The following NPC1L1 variants were observed in gnomAD, a reference collection of about 807,000 sequenced individuals.
The protein encoded by NPC1L1 is NPC1-like intracellular cholesterol transporter 1.
Under a neutral mutation model 117.0 loss-of-function variants are expected in NPC1L1, and 98 were observed. The ratio of observed to expected loss-of-function variants is 0.84; its 90% CI spans 0.71 to 0.99. The LOEUF (loss-of-function observed/expected upper bound fraction) is 0.99. NPC1L1 is among the 50% of genes least tolerant of loss of function. The pLI is 0.00. For synonymous variants in NPC1L1, 729 were observed against 727.6 expected (o/e 1.00, Z -0.03); for missense variants, 1,540 against 1,710.0 (o/e 0.90, Z 1.75).
intron 14 of NPC1L1, among the ~76,000 whole-genome samples, chr7:44,518,018 A>G (rs1801241704): frequency 6.6e-6 from 1 of 151,320 alleles, no homozygotes; most frequent in Non-Finnish European, 1.5e-5. Context: ...TGGGGGGCTG[A>G]GGCAGGAGAA....
rs1313880496 is a variant in NPC1L1, at chr7:44,523,735, C to T, written c.2638-1493G>A. Among the ~76,000 whole-genome samples the T allele has an allele frequency of 2.6e-5, 4 of 152,148 alleles. 1 individual carries two copies. Among genetic ancestry groups the T allele is most frequent in the Admixed American group, 1.3e-4 (2 of 15,270 alleles). On this transcript the variant is annotated intron_variant, in intron 10 of 18. Transcript: ENST00000381160. ...TACAAAAGTTAGCTGGGTGTGGTGG[C>T]ACATGCCTGTAGTCCTAGCTACTCA...
chr7:44,539,592 G>A lies in NPC1L1; in HGVS notation c.805C>T (p.Pro269Ser). The A allele has an allele frequency of 6.2e-7, 1 of 1,614,036 alleles. No individual in the cohort carries two copies. Among genetic ancestry groups the A allele is most frequent in the South Asian group, 1.1e-5 (1 of 91,086 alleles). Residue 269 changes from proline to serine, a missense_variant, in exon 2 of 19, where the codon CCC (proline) becomes TCC (serine). By Grantham distance (74) the Pro-to-Ser change is moderately conservative (BLOSUM62 -1). Coordinates refer to ENST00000381160, the MANE Select transcript of NPC1L1 (RefSeq NM_001101648.2). This position sits in a 1 kb window ranked among gnomAD's most constrained non-coding sequence, Gnocchi z 4.4. ...CAASCPAIAR[P>S]QALDSTFYLG... is the part of the protein sequence containing the mutation. ...TAGAAGGTGGAGTCGAGGGCCTGGG[G>A]GCGGGCTATGGCAGGACAGGATGCA...
intron 11 of NPC1L1, 94 bp downstream of exon 11, chr7:44,521,958 G>C: frequency 6.3e-7 from 1 of 1,592,306 alleles, no homozygotes; most frequent in Non-Finnish European, 8.6e-7. Context: ...AGGGCAGCAG[G>C]ACAGGGATAG....
At chr7:44,517,118 A>G (rs1801214685) in intron 15 of NPC1L1, 89 bp downstream of exon 15, 1 of 1,574,466 alleles carries the variant, frequency 6.4e-7, no homozygotes, top group Admixed American at 1.7e-5. Context: ...TCCTCATCTC[A>G]TGCAACTCCT....
chr7:44,532,611 T>C (rs1187290605), intron 8 of NPC1L1, among the ~76,000 whole-genome samples: 1 of 152,274 alleles, frequency 6.6e-6, no homozygotes, highest in Admixed American at 6.5e-5. Context: ...ACCCTCATGA[T>C]GATCCACTTT....
chr7:44,533,448 C>T lies in NPC1L1; in HGVS notation c.2392G>A (p.Asp798Asn). The T allele has an allele frequency of 6.2e-7, 1 of 1,613,948 alleles. No individual in the cohort carries two copies. The highest frequency in any genetic ancestry group is 8.5e-7 in the Non-Finnish European group (1 of 1,179,946). ...MSAFVALLSL[D>N]SKRQEASRLD... ...GCCCCTACCTCCTGCCTCTTGCTGT[C>T]CAGGGAGAGCAGGGCCACAAAGGCT... is the stretch of plus-strand genomic sequence containing the variant. Residue 798 changes from aspartate to asparagine, a missense_variant, in exon 8 of 19, where the codon GAC (aspartate) becomes AAC (asparagine). Transcript: ENST00000381160.
At position 44,518,773 on chromosome 7, in the gene NPC1L1, T is replaced by A. The variant is rs1256249755; in HGVS notation, c.3137-1416A>T. The A allele has an allele frequency of 3.7e-6, 4 of 1,077,956 alleles. No individual in the cohort carries two copies. In the African/African-American group the frequency reaches 6.6e-5, roughly 18 times the overall value. The allele number at this position is 1,077,956 out of a possible 1,614,324, so 66.8% of individuals were successfully genotyped here. ...GTGTGGAGAAAAAAGAAGAGAAATGTTCTTGGATACATACAATCTCAGAGC... is the reference window on the plus strand; with the variant it reads ...GTGTGGAGAAAAAAGAAGAGAAATGATCTTGGATACATACAATCTCAGAGC... On this transcript the variant is annotated intron_variant, in intron 14 of 18. Transcript: ENST00000381160.
rs776713505 is a variant in NPC1L1 at position 44,515,887 on chromosome 7, A to G, written c.3712T>C (p.Phe1238Leu). The G allele has an allele frequency of 2.1e-5, 34 of 1,614,180 alleles. No individual in the cohort carries two copies. Among genetic ancestry groups the G allele is most frequent in the Non-Finnish European group, 2.8e-5 (33 of 1,180,016 alleles). The change falls in exon 18 of 19, where the codon TTC becomes CTC. Residue 1238 changes from phenylalanine to leucine, a missense_variant. Phe to Leu is a conservative substitution (Grantham distance 22). Around this residue, in one of 3 missense-constraint regions of NPC1L1, gnomAD observed 742 missense variants for 873.6 expected, o/e 0.85. Coordinates refer to ENST00000381160, the MANE Select transcript of NPC1L1 (RefSeq NM_001101648.2). Reference protein sequence around the residue: ...GLAKAQLIQIFFFRLNLLITL... With the variant: ...GLAKAQLIQILFFRLNLLITL... ...ATCAGGAGGTTGAGGCGGAAGAAGA[A>G]GATCTGAATGAGCTGGGCCTTGGCG...
At chr7:44,531,874 C>T in intron 9 of NPC1L1, 30 bp from the exon 10 acceptor site, 1 of 1,556,494 alleles carries the variant, frequency 6.4e-7, no homozygotes, top group Non-Finnish European at 8.7e-7. Flanking sequence ...ATGAGACCAC[C>T]CTGCCCAACA....
Position 44,517,404 on chromosome 7 carries a change from C to CCTTT in NPC1L1, c.3137-51_3137-48dup, listed in dbSNP as rs752917042. The CCTTT allele has an allele frequency of 3.7e-6, 6 of 1,602,614 alleles. No homozygotes were observed. The Admixed American group carries it at 8.3e-5, about 22-fold the overall frequency. On this transcript the variant is annotated intron_variant, in intron 14 of 18. Coordinates refer to ENST00000381160, the MANE Select transcript of NPC1L1 (RefSeq NM_001101648.2). ...AAGATGGAAGGGCAAAGGTCAGAGC[C>CCTTT]CTTTCCAGGACAACTTCAGAACACC...
rs778508106 is a variant in NPC1L1, at chr7:44,532,100, A to C, written c.2527T>G (p.Trp843Gly). The change falls in exon 9 of 19, where the codon TGG becomes GGG. Residue 843 changes from tryptophan (W) to glycine (G), a missense_variant. Physicochemically the swap from Trp to Gly is radical, Grantham distance 184. This residue lies in a region of NPC1L1 where 742 missense variants were observed against 873.6 expected (regional missense o/e 0.85). Transcript: ENST00000381160. ...QKAYAPFLLH[W>G]ITRGVVLLLF... ...CTCACCACAACACCTCGAGTGATCC[A>C]GTGCAGCAGGAAGGGGGCATAAGCC... 6.2e-7 allele frequency: 1 copy of C among 1,614,188 alleles called. No homozygotes were observed. The highest frequency in any genetic ancestry group is 8.5e-7 in the Non-Finnish European group (1 of 1,180,042).
At chr7:44,530,507 T>C (rs1801664044) in intron 10 of NPC1L1, among the ~76,000 whole-genome samples, 1 of 152,168 alleles carries the variant, frequency 6.6e-6, no homozygotes, top group Admixed American at 6.5e-5. Context: ...CACTGAACTG[T>C]ACACTTAAAA....
chr7:44,521,998 T>TG (rs1801374002), intron 11 of NPC1L1, 54 bp downstream of exon 11: 3 of 1,601,250 alleles, frequency 1.9e-6, no homozygotes, highest in African/African-American at 2.7e-5. Context: ...TGGAGAGGAC[T>TG]GGAGGGACTC....
chr7:44,515,890 T>G lies in NPC1L1; in HGVS notation c.3709A>C (p.Ile1237Leu), dbSNP rs761990047. Residue 1237 changes from isoleucine (I) to leucine (L), a missense_variant, in exon 18 of 19, where the codon ATC (isoleucine) becomes CTC (leucine). Coordinates refer to ENST00000381160, the MANE Select transcript of NPC1L1 (RefSeq NM_001101648.2). Reference protein sequence around the residue: ...LGLAKAQLIQIFFFRLNLLIT... With the variant: ...LGLAKAQLIQLFFFRLNLLIT... ...AGGAGGTTGAGGCGGAAGAAGAAGA[T>G]CTGAATGAGCTGGGCCTTGGCGAGG... is the stretch of plus-strand genomic sequence containing the variant. 1 of 1,613,906 alleles carries G rather than the reference T, an allele frequency of 6.2e-7. No homozygotes were observed. The highest frequency in any genetic ancestry group is 2.2e-5 in the East Asian group (1 of 44,850).
intron 13 of NPC1L1, 65 bp downstream of exon 13, chr7:44,520,927 A>G (rs182911377): frequency 5.6e-6 from 9 of 1,613,532 alleles, no homozygotes; most frequent in Admixed American, 5.0e-5. Context: ...CTGCCTCTCT[A>G]TATTCAACCC....
In NPC1L1 at chr7:44,532,203, G is replaced by A. The variant is rs755032678; in HGVS notation, c.2424C>T (p.Asp808=). The A allele has an allele frequency of 1.8e-5, 29 of 1,613,776 alleles. No individual in the cohort carries two copies. The highest frequency in any genetic ancestry group is 1.6e-4 in the East Asian group (7 of 44,876). Residue 808 remains aspartate (D), a synonymous_variant, in exon 9 of 19, where the codon GAC becomes GAT. Transcript: ENST00000381160. The part of the protein sequence containing the change: ...DSKRQEASRL[D]VCCCVKPQEL... ...CCTGGGGCTTGACACAGCAGCAGAC[G>A]TCCAACCGGGAGGCCTGGAGTGGGA...
Position 44,515,931 on chromosome 7 carries a change from C to T in NPC1L1, c.3668G>A (p.Gly1223Asp). Reference sequence around the variant, plus strand: ...CTTGGCGAGGCCCAGGACAAGGATGCCAGGCAGGTTGGTCATGGCCACACC... The same window carrying T: ...CTTGGCGAGGCCCAGGACAAGGATGTCAGGCAGGTTGGTCATGGCCACACC... ...FAGVAMTNLP[G>D]ILVLGLAKAQ... Residue 1223 changes from glycine (G) to aspartate (D), a missense_variant, in exon 18 of 19, where the codon GGC (glycine) becomes GAC (aspartate). Gly to Asp is a moderately conservative substitution (Grantham distance 94). Coordinates refer to ENST00000381160, the MANE Select transcript of NPC1L1 (RefSeq NM_001101648.2). 3 of 1,614,024 alleles carry T rather than the reference C, an allele frequency of 1.9e-6. No homozygotes were observed. Among genetic ancestry groups the T allele is most frequent in the Non-Finnish European group, 2.5e-6 (3 of 1,179,970 alleles).
rs117544708 is a variant in NPC1L1 at position 44,522,927 on chromosome 7, C to A, written c.2638-685G>T. 1.1e-4 allele frequency among the ~76,000 whole-genome samples: 16 copies of A among 152,336 alleles called. No individual in the cohort carries two copies. In the East Asian group the frequency reaches 2.5e-3, roughly 24 times the overall value. On this transcript the variant is annotated intron_variant, in intron 10 of 18. Transcript: ENST00000381160. ...CACACCCTCAAAGCCATGCACCAGG[C>A]ATCCTCATGGTCTGCTCCCTTCTAT...
chr7:44,520,725 A>T, intron 14 of NPC1L1, 40 bp downstream of exon 14: 1 of 1,594,652 alleles, frequency 6.3e-7, no homozygotes, highest in Non-Finnish European at 8.6e-7. Flanking sequence ...CTCCAGAGCA[A>T]CCGATTTATG....
Sources: allele counts gnomAD v4.1 joint callset (sites outside exome capture counted in the v4.1 genomes callset), GRCh38; gene constraint gnomAD v4.1.1; regional missense constraint gnomAD v4.1.1; non-coding constraint Gnocchi (gnomAD v3.1); transcripts MANE v1.5; gene names NCBI Gene and HGNC (gene_info 2026-07-23, HGNC 2026-07-21).